CRYGN: variants seen among roughly 807,000 people sequenced by gnomAD.
CRYGN encodes the protein crystallin gamma N.
Under a neutral mutation model 19.2 loss-of-function variants are expected in CRYGN, and 17 were observed. The ratio of observed to expected loss-of-function variants is 0.89; its 90% CI spans 0.61 to 1.33. CRYGN has a LOEUF of 1.33. Ranked by LOEUF, CRYGN falls within the 40% of genes most tolerant of loss-of-function variation. The pLI is 0.00. For synonymous variants in CRYGN, 84 were observed against 85.8 expected, an observed-to-expected ratio of 0.98 and a Z score of 0.12; for missense variants, 239 against 239.6, an observed-to-expected ratio of 1.00 and a Z score of 0.02.
chr7:151,430,235 GC>G lies in CRYGN; in HGVS notation c.417-56del. On this transcript the variant is annotated intron_variant, in intron 3 of 3. Coordinates refer to ENST00000337323, the MANE Select transcript of CRYGN (RefSeq NM_144727.3). The surrounding 1 kb of genome is among the most constrained non-coding windows in gnomAD (Gnocchi z 5.2). Reference sequence around the variant, plus strand: ...CCAGGGCATTAGGGGTACAGAGCAGGCCTTTTGGGGACCCATCTACCACATG... The same window carrying G: ...CCAGGGCATTAGGGGTACAGAGCAGGCTTTTGGGGACCCATCTACCACATG... The G allele has an allele frequency of 6.3e-7, 1 of 1,577,138 alleles. No homozygotes were observed. The highest frequency in any genetic ancestry group is 8.7e-7 in the Non-Finnish European group (1 of 1,152,290).
intron 1 of CRYGN, among the ~76,000 whole-genome samples, chr7:151,439,393 G>T (rs965524006): frequency 6.6e-6 from 1 of 152,162 alleles, no homozygotes; most frequent in Non-Finnish European, 1.5e-5. Flanking sequence ...CAGGTCTCCC[G>T]TCCTTCCTGC....
chr7:151,432,553 C>T (rs1391749820), intron 3 of CRYGN, among the ~76,000 whole-genome samples: 1 of 152,210 alleles, frequency 6.6e-6, no homozygotes, highest in East Asian at 1.9e-4. Flanking sequence ...CCTGTAATCT[C>T]AGAATTTTGG....
At chr7:151,437,898 G>A (rs1400502800) in intron 2 of CRYGN, 98 bp downstream of exon 2, 4 of 1,589,640 alleles carry the variant, frequency 2.5e-6, no homozygotes, top group Non-Finnish European at 3.4e-6. Flanking sequence ...TTAAAGCCGG[G>A]AGGACCACGC....
Position 151,432,285 on chromosome 7 carries a change from C to T in CRYGN, c.417-2105G>A, listed in dbSNP as rs916449074. ...AGTTGGGCTCCTCATACAGGACCCA[C>T]CTGGAGGCCAGGGGAGTGGGGATCA... On this transcript the variant is annotated intron_variant, in intron 3 of 3. Transcript: ENST00000337323. 5.7e-6 allele frequency: 7 copies of T among 1,230,674 alleles called. No individual in the cohort carries two copies. The East Asian group carries it at 1.9e-4, about 33-fold the overall frequency. The allele number at this position is 1,230,674 out of a possible 1,614,324, so 76.2% of individuals were successfully genotyped here.
In CRYGN at chr7:151,437,948, G is replaced by A. The variant is rs779688736; in HGVS notation, c.270+48C>T. Reference sequence around the variant, plus strand: ...CCACTGTCTGCCAGGGCTGACCCTCGGTCCCTCCAGCAGGAAGACTCAGCC... The same window carrying A: ...CCACTGTCTGCCAGGGCTGACCCTCAGTCCCTCCAGCAGGAAGACTCAGCC... On this transcript the variant is annotated intron_variant, in intron 2 of 3. Coordinates refer to ENST00000337323, the MANE Select transcript of CRYGN (RefSeq NM_144727.3). 1.1e-5 allele frequency: 18 copies of A among 1,605,652 alleles called. No individual in the cohort carries two copies. The East Asian group carries it at 2.0e-4, about 18-fold the overall frequency.
intron 3 of CRYGN, chr7:151,432,423 C>A (rs1563079844): frequency 2.4e-6 from 1 of 425,260 alleles, no homozygotes; most frequent in Non-Finnish European, 4.0e-6. Flanking sequence ...ACGAAGGCAC[C>A]CACGGTGCCT....
Position 151,433,891 on chromosome 7 carries a change from C to T in CRYGN, c.416+2289G>A, listed in dbSNP as rs1331999685. On this transcript the variant is annotated intron_variant, in intron 3 of 3. Transcript: ENST00000337323. This position sits in a 1 kb window ranked among gnomAD's most constrained non-coding sequence, Gnocchi z 5.1. ...CTGCCCACATCAGCACCGTGCCCTT[C>T]CCCAGGTGAGGGTAGGTGGAGGCAG... 6.6e-6 allele frequency among the ~76,000 whole-genome samples: 1 copy of T among 152,192 alleles called. No individual in the cohort carries two copies. Among genetic ancestry groups the T allele is most frequent in the Non-Finnish European group, 1.5e-5 (1 of 68,022 alleles).
intron 1 of CRYGN, 56 bp from the exon 2 acceptor site, chr7:151,438,300 G>C: frequency 1.3e-6 from 2 of 1,537,954 alleles, no homozygotes; most frequent in African/African-American, 1.4e-5. Context: ...GTCAGCGTTG[G>C]AGGCTGGCGT....
chr7:151,439,808 TC>T, intron 1 of CRYGN, 88 bp downstream of exon 1: 1 of 1,351,076 alleles, frequency 7.4e-7, no homozygotes, highest in Non-Finnish European at 1.0e-6. Flanking sequence ...TTTGTCACCA[TC>T]AACAGTGTGC....
upstream of CRYGN, chr7:151,440,708 G>A: frequency 6.5e-6 from 1 of 153,066 alleles, no homozygotes; most frequent in Non-Finnish European, 1.5e-5. Context: ...CCTCTCTGCT[G>A]CACCAACTAA....
rs1390089065 is a variant in CRYGN at position 151,433,105 on chromosome 7, C to T, written c.417-2925G>A. On this transcript the variant is annotated intron_variant, in intron 3 of 3. Coordinates refer to ENST00000337323, the MANE Select transcript of CRYGN (RefSeq NM_144727.3). The surrounding 1 kb of genome is among the most constrained non-coding windows in gnomAD (Gnocchi z 5.1). ...AGGGTTGGGGAGTCCCAAGCAGGGCCCCTTCCTGTCCTCCTCCCCTTCTGC... is the reference window on the plus strand; with the variant it reads ...AGGGTTGGGGAGTCCCAAGCAGGGCTCCTTCCTGTCCTCCTCCCCTTCTGC... Among the ~76,000 whole-genome samples, 3 of 152,182 alleles carry T rather than the reference C, an allele frequency of 2.0e-5. No individual in the cohort carries two copies. The highest frequency in any genetic ancestry group is 4.4e-5 in the Non-Finnish European group (3 of 68,024).
chr7:151,440,346 T>G (rs1345676065), upstream of CRYGN: 1 of 214,362 alleles, frequency 4.7e-6, no homozygotes, highest in Non-Finnish European at 9.2e-6. Flanking sequence ...CTTTCTCACC[T>G]GGCTGCAGGT....
chr7:151,432,286 C>A (rs1801489680), intron 3 of CRYGN: 2 of 1,231,104 alleles, frequency 1.6e-6, no homozygotes, highest in Non-Finnish European at 2.0e-6. Flanking sequence ...CAGGACCCAC[C>A]TGGAGGCCAG....
rs1005915803 is a variant in CRYGN at position 151,430,856 on chromosome 7, G to A, written c.417-676C>T. Among the ~76,000 whole-genome samples, 8 of 152,178 alleles carry A rather than the reference G, an allele frequency of 5.3e-5. No individual in the cohort carries two copies. The highest frequency in any genetic ancestry group is 2.0e-4 in the Admixed American group (3 of 15,282). On this transcript the variant is annotated intron_variant, in intron 3 of 3. Transcript: ENST00000337323. The surrounding 1 kb of genome is among the most constrained non-coding windows in gnomAD (Gnocchi z 5.2). ...AGTTGGTTGGGGGGACTCTGGGATC[G>A]CAGTCGGGGATTAGAGGCTGGACCA... is the stretch of plus-strand genomic sequence containing the variant.
chr7:151,434,293 C>T (rs1801545164), intron 3 of CRYGN, among the ~76,000 whole-genome samples: 1 of 152,164 alleles, frequency 6.6e-6, no homozygotes, highest in Admixed American at 6.5e-5. Context: ...TCGTTCTCAA[C>T]AAGCCCCTGA....
chr7:151,430,309 T>A lies in CRYGN; in HGVS notation c.417-129A>T. The A allele has an allele frequency of 1.1e-6, 1 of 889,298 alleles. No individual in the cohort carries two copies. The allele number at this position is 889,298 out of a possible 1,614,324, so 55.1% of individuals were successfully genotyped here. On this transcript the variant is annotated intron_variant, in intron 3 of 3. Coordinates refer to ENST00000337323, the MANE Select transcript of CRYGN (RefSeq NM_144727.3). The surrounding 1 kb of genome is among the most constrained non-coding windows in gnomAD (Gnocchi z 5.2). ...TTCCTGGGCGGAGTGGACGGTTGCC[T>A]AGTGGTTTCATGTCTTCATTTGGCC... is the stretch of plus-strand genomic sequence containing the variant.
In CRYGN at chr7:151,430,257, A is replaced by T; in HGVS notation, c.417-77T>A. The T allele has an allele frequency of 7.0e-7, 1 of 1,437,140 alleles. No individual in the cohort carries two copies. Among genetic ancestry groups the T allele is most frequent in the Non-Finnish European group, 9.7e-7 (1 of 1,035,782 alleles). The allele number at this position is 1,437,140 out of a possible 1,614,324, so 89.0% of individuals were successfully genotyped here. On this transcript the variant is annotated intron_variant, in intron 3 of 3. Coordinates refer to ENST00000337323, the MANE Select transcript of CRYGN (RefSeq NM_144727.3). This position sits in a 1 kb window ranked among gnomAD's most constrained non-coding sequence, Gnocchi z 5.2. The stretch of plus-strand genomic sequence containing the variant: ...CAGGCCTTTTGGGGACCCATCTACC[A>T]CATGGCAGCAGGGAGCCCCTTCCCC...
At position 151,438,248 on chromosome 7, in the gene CRYGN, G is replaced by A; in HGVS notation, c.22-4C>T. ...GCTTGCCTTCATAGAGAGTGATCTA[G>A]AAAGGGCAGGTTACAGAGCTCAGGG... On this transcript the variant is annotated splice_region_variant and splice_polypyrimidine_tract_variant and intron_variant, in intron 1 of 3. Transcript: ENST00000337323. 6.2e-7 allele frequency: 1 copy of A among 1,605,156 alleles called. No homozygotes were observed. Among genetic ancestry groups the A allele is most frequent in the South Asian group, 1.1e-5 (1 of 90,912 alleles).
chr7:151,438,315 G>A (rs1028667779), intron 1 of CRYGN, 71 bp from the exon 2 acceptor site: 1 of 1,488,690 alleles, frequency 6.7e-7, no homozygotes, highest in Non-Finnish European at 9.0e-7. Context: ...TGGCGTCTGG[G>A]TCCCAACACC....
Sources: allele counts gnomAD v4.1 joint callset (sites outside exome capture counted in the v4.1 genomes callset), GRCh38; gene constraint gnomAD v4.1.1; non-coding constraint Gnocchi (gnomAD v3.1); transcripts MANE v1.5; gene names NCBI Gene and HGNC (gene_info 2026-07-23, HGNC 2026-07-21).